The following CARMIL3 variants were observed in gnomAD, a reference collection of about 807,000 sequenced individuals.
CARMIL3 encodes the protein capping protein, Arp2/3 and myosin-I linker protein 3.
CARMIL3 carries 88 observed loss-of-function variants against 180.8 expected under a neutral mutation model. That is an observed-to-expected ratio of 0.49 (90% confidence interval 0.41 to 0.58). The LOEUF (loss-of-function observed/expected upper bound fraction) is 0.58. Among genes scored for constraint, CARMIL3 ranks in the 20% least tolerant of loss-of-function variants. The pLI, the probability that CARMIL3 is intolerant of heterozygous loss-of-function variation, is 0.00. For synonymous variants in CARMIL3, 696 were observed against 714.5 expected (o/e 0.97, Z 0.41); for missense variants, 1,548 against 1,787.0 (o/e 0.87, Z 2.41).
At chr14:24,062,365 C>A in intron 27 of CARMIL3, 115 bp from the exon 28 acceptor site, 1 of 941,654 alleles carries the variant, frequency 1.1e-6, no homozygotes, top group Non-Finnish European at 1.8e-6. Flanking sequence ...GCTCCATGGG[C>A]AGACAGACCA....
Position 24,068,540 on chromosome 14 carries a change from C to T in CARMIL3, c.3683-44C>T, listed in dbSNP as rs759627338. ...AGAGGAGACAGGGACAGGAGCTATG[C>T]AAGAATGCCTTTTCCTGCAGCTTCT... On this transcript the variant is annotated intron_variant, in intron 36 of 39. Coordinates refer to ENST00000342740, the MANE Select transcript of CARMIL3 (RefSeq NM_138360.4). 14 of 1,537,276 alleles carry T rather than the reference C, an allele frequency of 9.1e-6. No individual in the cohort carries two copies. In the Admixed American group the frequency reaches 2.5e-4, roughly 28 times the overall value.
chr14:24,069,446 G>C lies in CARMIL3; in HGVS notation c.*42G>C, dbSNP rs201507603. 1 of 1,613,576 alleles carries C rather than the reference G, an allele frequency of 6.2e-7. No individual in the cohort carries two copies. On this transcript the variant is annotated 3_prime_UTR_variant, in exon 40 of 40. Coordinates refer to ENST00000342740, the MANE Select transcript of CARMIL3 (RefSeq NM_138360.4). ...CTCCTCAGCCCTCGACATGTGCCTC[G>C]CAAGGACTCAGACCCCTATCCACCC...
rs930728073 is a variant in CARMIL3, at chr14:24,068,093, G to A, written c.3683-491G>A. On this transcript the variant is annotated intron_variant, in intron 36 of 39. Transcript: ENST00000342740. ...TCCTGGGAAACAAGGGCTAAGGAGC[G>A]TGGATGTAGAAAGGCATATGAAAGA... is the stretch of plus-strand genomic sequence containing the variant. 3.3e-5 allele frequency among the ~76,000 whole-genome samples: 5 copies of A among 152,228 alleles called. No homozygotes were observed. The East Asian group carries it at 9.6e-4, about 29-fold the overall frequency.
intron 27 of CARMIL3, chr14:24,062,218 G>A: frequency 1.8e-6 from 1 of 563,058 alleles, no homozygotes; most frequent in Non-Finnish European, 3.2e-6. Context: ...GCCTGACCTA[G>A]GGCCCCCTTG....
Position 24,068,805 on chromosome 14 carries a change from C to T in CARMIL3, c.3821C>T (p.Ala1274Val), listed in dbSNP as rs992693606. The T allele has an allele frequency of 1.2e-6, 2 of 1,613,976 alleles. No homozygotes were observed. Among genetic ancestry groups the T allele is most frequent in the Non-Finnish European group, 1.7e-6 (2 of 1,180,028 alleles). The change falls in exon 38 of 40, where the codon GCT becomes GTT. Residue 1274 changes from alanine (A) to valine (V), a missense_variant. By Grantham distance (64) the Ala-to-Val change is moderately conservative. Around this residue, in one of 4 missense-constraint regions of CARMIL3, gnomAD observed 668 missense variants for 687.8 expected, o/e 0.97. Coordinates refer to ENST00000342740, the MANE Select transcript of CARMIL3 (RefSeq NM_138360.4). ...RNAKLQDPALAPWPPKPVAVP... is the reference protein window; with the variant it reads ...RNAKLQDPALVPWPPKPVAVP... ...TGCCAGCTACAGGACCCCGCTCTAG[C>T]TCCATGGCCTCCCAAGCCAGTGGCT...
In CARMIL3 at chr14:24,062,532, A is replaced by C. The variant is rs1166375771; in HGVS notation, c.2533A>C (p.Ile845Leu). Reference protein sequence around the residue: ...TYLTSSIVDEILQELYHSHKS... With the variant: ...TYLTSSIVDELLQELYHSHKS... ...CCTAACCAGCTCCATAGTGGATGAG[A>C]TCCTGCAAGAGCTCTACCATTCCCA... The change falls in exon 28 of 40, where the codon ATC becomes CTC. Residue 845 changes from isoleucine to leucine, a missense_variant. By Grantham distance (5) the Ile-to-Leu change is conservative. Around this residue, in one of 4 missense-constraint regions of CARMIL3, gnomAD observed 297 missense variants for 415.9 expected, o/e 0.71. Coordinates refer to ENST00000342740, the MANE Select transcript of CARMIL3 (RefSeq NM_138360.4). The C allele has an allele frequency of 6.2e-7, 1 of 1,614,164 alleles. No individual in the cohort carries two copies. Among genetic ancestry groups the C allele is most frequent in the Admixed American group, 1.7e-5 (1 of 60,024 alleles).
chr14:24,064,721 T>C (rs1193176788), intron 32 of CARMIL3, among the ~76,000 whole-genome samples: 3 of 152,058 alleles, frequency 2.0e-5, no homozygotes, highest in Admixed American at 6.5e-5. Context: ...GCCAGGTCAC[T>C]TGGAGAAGCT....
chr14:24,055,296 C>T lies in CARMIL3; in HGVS notation c.591C>T (p.Ser197=), dbSNP rs1415434776. The T allele has an allele frequency of 6.2e-7, 1 of 1,614,098 alleles. No homozygotes were observed. Among genetic ancestry groups the T allele is most frequent in the African/African-American group, 1.3e-5 (1 of 74,996 alleles). Residue 197 remains serine (S), a synonymous_variant, in exon 8 of 40, where the codon AGC becomes AGT. Coordinates refer to ENST00000342740, the MANE Select transcript of CARMIL3 (RefSeq NM_138360.4). The part of the protein sequence containing the change: ...DNREFNLLDF[S]HLESRDLALM... ...GGGAGTTCAATCTTTTGGATTTCAGCCACTTGGAGAGCCGGTAAGCAGATG... is the reference window on the plus strand; with the variant it reads ...GGGAGTTCAATCTTTTGGATTTCAGTCACTTGGAGAGCCGGTAAGCAGATG...
chr14:24,055,354 C>T, intron 8 of CARMIL3, 44 bp downstream of exon 8: 1 of 1,604,248 alleles, frequency 6.2e-7, no homozygotes, highest in Non-Finnish European at 8.5e-7. Context: ...TTCCCAAATT[C>T]AGCCCAACCC....
chr14:24,067,235 A>G (rs1224053799), intron 36 of CARMIL3, among the ~76,000 whole-genome samples: 1 of 152,230 alleles, frequency 6.6e-6, no homozygotes, highest in Non-Finnish European at 1.5e-5. Context: ...CGGAGGAGTA[A>G]AAGGGAGGGG....
rs749417222 is a variant in CARMIL3 at position 24,052,136 on chromosome 14, T to G, written c.-18T>G. The G allele has an allele frequency of 6.4e-7, 1 of 1,569,744 alleles. No homozygotes were observed. The highest frequency in any genetic ancestry group is 1.2e-5 in the South Asian group (1 of 85,934). ...CGGCGGCGGCTCCTCTGCAGCAGCCTCAGCAGCAGCGGCCGCCATGGCCAA... is the reference window on the plus strand; with the variant it reads ...CGGCGGCGGCTCCTCTGCAGCAGCCGCAGCAGCAGCGGCCGCCATGGCCAA... On this transcript the variant is annotated 5_prime_UTR_variant, in exon 1 of 40. Transcript: ENST00000342740.
In CARMIL3 at chr14:24,065,108, C is replaced by T; in HGVS notation, c.3231C>T (p.Leu1077=). ...DRGPGSPTTG[L]LLPPPPPPPP... is the part of the protein sequence containing the mutation. ...GGCCGGGGTCCCCTACCACTGGACT[C>T]CTCCTCCCTCCACCCCCACCCCCTC... Residue 1077 remains leucine (L), a synonymous_variant, in exon 33 of 40, where the codon CTC becomes CTT. Transcript: ENST00000342740. The T allele has an allele frequency of 1.3e-6, 2 of 1,534,542 alleles. No homozygotes were observed. Among genetic ancestry groups the T allele is most frequent in the Non-Finnish European group, 1.7e-6 (2 of 1,143,330 alleles).
Position 24,058,558 on chromosome 14 carries a change from T to A in CARMIL3, c.1393-122T>A. ...ATCTGGTGTGGGGAAAGAGTCTCCCTGATTTTACACCCAGATCCTGGCATG... is the reference window on the plus strand; with the variant it reads ...ATCTGGTGTGGGGAAAGAGTCTCCCAGATTTTACACCCAGATCCTGGCATG... On this transcript the variant is annotated intron_variant, in intron 17 of 39. Transcript: ENST00000342740. This position sits in a 1 kb window ranked among gnomAD's most constrained non-coding sequence, Gnocchi z 6.4. 1 of 785,382 alleles carries A rather than the reference T, an allele frequency of 1.3e-6. No individual in the cohort carries two copies. The highest frequency in any genetic ancestry group is 2.0e-6 in the Non-Finnish European group (1 of 492,420). 48.7% of individuals were successfully genotyped at this position (785,382 alleles called of 1,614,324 possible).
In CARMIL3 at chr14:24,061,134, G is replaced by A. The variant is rs186131480; in HGVS notation, c.2304+94G>A. On this transcript the variant is annotated intron_variant, in intron 26 of 39. Transcript: ENST00000342740. This position sits in a 1 kb window ranked among gnomAD's most constrained non-coding sequence, Gnocchi z 4.1. ...TAAAGTCAGAGCTGGGAGACTTCTG[G>A]AGGGCCAGGAGGACATGCAGAGTTG... 199 of 1,087,646 alleles carry A rather than the reference G, an allele frequency of 1.8e-4. 1 individual carries two copies. In the Middle Eastern group the frequency reaches 2.4e-3, roughly 13 times the overall value. The allele number at this position is 1,087,646 out of a possible 1,614,324, so 67.4% of individuals were successfully genotyped here.
chr14:24,054,289 C>T lies in CARMIL3; in HGVS notation c.234C>T (p.Leu78=). 1 of 1,614,192 alleles carries T rather than the reference C, an allele frequency of 6.2e-7. No individual in the cohort carries two copies. The highest frequency in any genetic ancestry group is 8.5e-7 in the Non-Finnish European group (1 of 1,180,028). The stretch of plus-strand genomic sequence containing the variant: ...TGGAGATCCGTGCCTTCAACACGCT[C>T]AGTCAGAATCAGGTGAGTACCAGGG... ...NVLEIRAFNT[L]SQNQILVETE... is the part of the protein sequence containing the mutation. The change falls in exon 4 of 40, where the codon CTC becomes CTT. Residue 78 remains leucine (L), a synonymous_variant. Transcript: ENST00000342740. This position sits in a 1 kb window ranked among gnomAD's most constrained non-coding sequence, Gnocchi z 5.1.
Position 24,069,486 on chromosome 14 carries a change from C to T in CARMIL3, c.*82C>T. The T allele has an allele frequency of 1.3e-6, 2 of 1,557,826 alleles. No homozygotes were observed. Among genetic ancestry groups the T allele is most frequent in the Non-Finnish European group, 1.8e-6 (2 of 1,137,652 alleles). ...CCTATCCACCCCCAGTCCCCAGGGC[C>T]CCCTGCCAGCCCCTGTCCTACAGGG... is the stretch of plus-strand genomic sequence containing the variant. On this transcript the variant is annotated 3_prime_UTR_variant, in exon 40 of 40. Transcript: ENST00000342740.
chr14:24,062,663 G>A, intron 28 of CARMIL3, 46 bp from the exon 29 acceptor site: 1 of 1,611,382 alleles, frequency 6.2e-7, no homozygotes. Context: ...GGCCCTGGGA[G>A]GTGGGCAGCT....
At position 24,052,163 on chromosome 14, in the gene CARMIL3, C is replaced by T; in HGVS notation, c.10C>T (p.Pro4Ser). MAK[P>S]SVELTRELQD... The stretch of plus-strand genomic sequence containing the variant: ...AGCAGCAGCGGCCGCCATGGCCAAG[C>T]CCAGCGTGGAGCTCACCCGCGAGTT... The change falls in exon 1 of 40, where the codon CCC (proline) becomes TCC (serine). Residue 4 changes from proline to serine, a missense_variant. This residue lies in a region of CARMIL3 where 578 missense variants were observed against 666.5 expected (regional missense o/e 0.87). Coordinates refer to ENST00000342740, the MANE Select transcript of CARMIL3 (RefSeq NM_138360.4). 1.3e-6 allele frequency: 2 copies of T among 1,590,076 alleles called. No individual in the cohort carries two copies. Among genetic ancestry groups the T allele is most frequent in the Middle Eastern group, 1.7e-4 (1 of 6,014 alleles).
intron 27 of CARMIL3, chr14:24,062,257 A>G (rs920527133): frequency 3.4e-6 from 2 of 590,152 alleles, no homozygotes; most frequent in South Asian, 2.0e-5. Flanking sequence ...CTCTTTCCCC[A>G]CACATAGTTG....
Sources: gnomAD v4.1 joint callset for allele counts (sites outside exome capture counted in the v4.1 genomes callset) on GRCh38, gnomAD v4.1.1 for gene constraint, gnomAD v4.1.1 regional missense constraint, Gnocchi (gnomAD v3.1) non-coding constraint, MANE v1.5 for transcripts, NCBI Gene and HGNC (gene_info 2026-07-23, HGNC 2026-07-21) for gene names.